Variants in ERICH1 observed in about 807,000 individuals in gnomAD.
ERICH1 encodes glutamate-rich protein 1.
A neutral mutation model predicts 39.6 loss-of-function variants in ERICH1; 56 were observed. The observed-to-expected ratio is 1.41, with a 90% CI of 1.14 to 1.77. The LOEUF is 1.77. ERICH1 is among the 40% of genes most tolerant of loss of function. The pLI is 0.00. For missense variants in ERICH1, 826 were observed against 575.4 expected, an observed-to-expected ratio of 1.44 and a Z score of -4.45; for synonymous variants, 313 against 223.6, an observed-to-expected ratio of 1.40 and a Z score of -3.57.
At chr8:616,818 C>CA (rs1796934283) in intron 3 of ERICH1, among the ~76,000 whole-genome samples, 1 of 23,014 alleles carries the variant, frequency 4.3e-5, no homozygotes, top group East Asian at 7.6e-3. Flanking sequence ...GAGGAAGAGA[C>CA]GGGGGGAGAG....
chr8:661,477 G>T (rs940623111), downstream of ERICH1, among the ~76,000 whole-genome samples: 1 of 152,172 alleles, frequency 6.6e-6, no homozygotes, highest in Non-Finnish European at 1.5e-5. Flanking sequence ...AGGCACAACT[G>T]TCTTAATATT....
chr8:707,555 G>A (rs1813594960), intron 2 of ERICH1, among the ~76,000 whole-genome samples: 1 of 152,136 alleles, frequency 6.6e-6, no homozygotes, highest in Non-Finnish European at 1.5e-5. Flanking sequence ...GGGAAATGAT[G>A]TCTTCCACAA....
intron 3 of ERICH1, among the ~76,000 whole-genome samples, chr8:631,389 G>C (rs974894728): frequency 6.6e-6 from 1 of 152,228 alleles, no homozygotes; most frequent in East Asian, 1.9e-4. Flanking sequence ...CTCAGAGAGA[G>C]GTGTGCGGGG....
At chr8:687,537 G>A in intron 3 of ERICH1, among the ~76,000 whole-genome samples, 1 of 152,248 alleles carries the variant, frequency 6.6e-6, no homozygotes, top group East Asian at 1.9e-4. Flanking sequence ...ACGCGCTGAG[G>A]GGGCGCAGGG....
At chr8:679,603 T>A (rs1250526343) in intron 3 of ERICH1, among the ~76,000 whole-genome samples, 1 of 152,206 alleles carries the variant, frequency 6.6e-6, no homozygotes, top group East Asian at 1.9e-4. Flanking sequence ...ATTCCAGTCA[T>A]GTAAAGTGTA....
chr8:697,093 C>G (rs1391086279), intron 2 of ERICH1, among the ~76,000 whole-genome samples: 1 of 152,210 alleles, frequency 6.6e-6, no homozygotes, highest in African/African-American at 2.4e-5. Flanking sequence ...GCTGCACGTG[C>G]TAGCAGGGCT....
chr8:616,379 G>A (rs930226643), intron 3 of ERICH1: 25 of 358,734 alleles, frequency 7.0e-5, no homozygotes, highest in Middle Eastern at 1.0e-3. Context: ...GGCGGCCGCC[G>A]TCCAGAGAGA....
chr8:709,609 T>C (rs1042828672), intron 2 of ERICH1, among the ~76,000 whole-genome samples: 1 of 152,260 alleles, frequency 6.6e-6, no homozygotes, highest in Non-Finnish European at 1.5e-5. Context: ...ATCTTACAGA[T>C]GCCACTGAAA....
At chr8:653,074 C>T (rs1481500567) in intron 3 of ERICH1, among the ~76,000 whole-genome samples, 1 of 152,208 alleles carries the variant, frequency 6.6e-6, no homozygotes, top group Non-Finnish European at 1.5e-5. Flanking sequence ...GATTTAATTA[C>T]CGTATGATCC....
intron 5 of ERICH1, among the ~76,000 whole-genome samples, chr8:665,755 C>T (rs540338374): frequency 9.8e-5 from 15 of 152,330 alleles, no homozygotes; most frequent in African/African-American, 3.4e-4. Flanking sequence ...CAGCTGAATG[C>T]AGCCCCCATG....
In ERICH1 at chr8:698,223, CT is replaced by C. The variant is rs368424788; in HGVS notation, c.170-5612del. Among the ~76,000 whole-genome samples the C allele has an allele frequency of 3.0e-3, 255 of 85,986 alleles. 5 individuals carry two copies. Among genetic ancestry groups the C allele is most frequent in the African/African-American group, 7.9e-3 (224 of 28,196 alleles). The allele number at this position is 85,986 out of a possible 152,430, so 56.4% of individuals were successfully genotyped here. A position where few individuals can be genotyped will look rare whatever the true frequency, so the allele number is the denominator to read the frequency against. On this transcript the variant is annotated intron_variant, in intron 2 of 5. Coordinates refer to ENST00000262109, the MANE Select transcript of ERICH1 (RefSeq NM_207332.3). ...GGCCATCCTAAATCATATTCCTTTT[CT>C]TTTTTTTTTTTTGAGGTGGAGTCTC... is the stretch of plus-strand genomic sequence containing the variant.
At chr8:697,949 G>A (rs62484181) in intron 2 of ERICH1, among the ~76,000 whole-genome samples, 69,154 of 151,678 alleles carry the variant, frequency 0.46, 16,148 homozygotes, top group Middle Eastern at 0.58. Flanking sequence ...CTGATGGGCT[G>A]CAAGGGACAC....
intron 2 of ERICH1, among the ~76,000 whole-genome samples, chr8:693,159 C>T (rs1007157829): frequency 1.3e-5 from 2 of 151,798 alleles, no homozygotes; most frequent in African/African-American, 2.4e-5. Context: ...ACAGAGACAC[C>T]ATGCACAGCC....
chr8:673,040 T>C (rs1273528997), intron 4 of ERICH1, among the ~76,000 whole-genome samples: 1 of 152,264 alleles, frequency 6.6e-6, no homozygotes, highest in Non-Finnish European at 1.5e-5. Flanking sequence ...ACCACACTGC[T>C]TCTCTGGATA....
chr8:626,850 G>A (rs1374763734), intron 3 of ERICH1: 1 of 263,028 alleles, frequency 3.8e-6, no homozygotes, highest in African/African-American at 2.2e-5. Context: ...TAATCTCGGA[G>A]GCTGTCCAGG....
At chr8:696,342 ACTCCT>A (rs1458519656) in intron 2 of ERICH1, among the ~76,000 whole-genome samples, 1 of 8,500 alleles carries the variant, frequency 1.2e-4, no homozygotes, top group Non-Finnish European at 2.1e-4. Flanking sequence ...CTCACCCTCC[ACTCCT>A]CTCCTTCCTC....
intron 3 of ERICH1, among the ~76,000 whole-genome samples, chr8:635,997 C>T (rs1250910051): frequency 1.3e-5 from 2 of 152,250 alleles, no homozygotes; most frequent in Non-Finnish European, 2.9e-5. Context: ...GCAGAAACAG[C>T]CCAAAGCTGC....
At chr8:684,919 G>A (rs1292606449) in intron 3 of ERICH1, among the ~76,000 whole-genome samples, 1 of 152,268 alleles carries the variant, frequency 6.6e-6, no homozygotes, top group East Asian at 1.9e-4. Context: ...CAAATGAGCA[G>A]GGCAAGGTCA....
chr8:688,324 C>T (rs1808093329), intron 3 of ERICH1, among the ~76,000 whole-genome samples: 1 of 146,848 alleles, frequency 6.8e-6, no homozygotes, highest in Non-Finnish European at 1.5e-5. Context: ...GGCCACCCCA[C>T]CTCGGCGCCA....
Sources: gnomAD v4.1 joint callset for allele counts (sites outside exome capture counted in the v4.1 genomes callset) on GRCh38, gnomAD v4.1.1 for gene constraint, MANE v1.5 for transcripts, NCBI Gene and HGNC (gene_info 2026-07-23, HGNC 2026-07-21) for gene names.